The following MALRD1 variants were observed in gnomAD, a reference collection of about 807,000 sequenced individuals.
MALRD1 encodes the protein MAM and LDL-receptor class A domain-containing protein 1.
MALRD1 carries 247 observed loss-of-function variants against 242.1 expected under a neutral mutation model. The ratio of observed to expected loss-of-function variants is 1.02; its 90% confidence interval spans 0.92 to 1.13. The LOEUF (loss-of-function observed/expected upper bound fraction) is 1.13, where lower values mean the gene tolerates loss of function less well. Ranked by LOEUF, MALRD1 falls within the 50% of genes most tolerant of loss-of-function variation. The pLI, the probability that MALRD1 is intolerant of heterozygous loss-of-function variation, is 0.00. For missense variants in MALRD1, 2,989 were observed against 2,533.1 expected, an observed-to-expected ratio of 1.18 and a Z score of -3.86; for synonymous variants, 995 against 866.6, an observed-to-expected ratio of 1.15 and a Z score of -2.60.
intron 27 of MALRD1, 138 bp downstream of exon 27, chr10:19,387,911 T>C (rs1235880697): frequency 2.7e-6 from 3 of 1,108,874 alleles, no homozygotes; most frequent in East Asian, 2.6e-5. Context: ...TTAGTGAGTG[T>C]TTTTTTTCTT....
chr10:19,517,338 T>C (rs543432774), intron 31 of MALRD1, among the ~76,000 whole-genome samples: 5 of 152,272 alleles, frequency 3.3e-5, no homozygotes, highest in Admixed American at 6.5e-5. Flanking sequence ...CAATTTCTTT[T>C]CCAATAGCCT....
At chr10:19,178,891 C>T (rs549780461) in intron 14 of MALRD1, among the ~76,000 whole-genome samples, 99 of 152,244 alleles carry the variant, frequency 6.5e-4, no homozygotes, top group African/African-American at 2.3e-3. Context: ...ACTCTCTGAA[C>T]GTAAAGTGCA....
chr10:19,180,747 A>C (rs1835468605), intron 14 of MALRD1, among the ~76,000 whole-genome samples: 1 of 152,246 alleles, frequency 6.6e-6, no homozygotes, highest in Non-Finnish European at 1.5e-5. Flanking sequence ...AGGCTTCTGC[A>C]CAGTAAAGGA....
chr10:19,160,899 C>T, intron 12 of MALRD1, among the ~76,000 whole-genome samples: 2 of 146,558 alleles, frequency 1.4e-5, no homozygotes, highest in East Asian at 2.1e-4. Context: ...TTTGTTGATC[C>T]TTTCAAAAAA....
At chr10:19,665,783 C>T (rs1034552410) in intron 36 of MALRD1, among the ~76,000 whole-genome samples, 1 of 152,138 alleles carries the variant, frequency 6.6e-6, no homozygotes, top group Non-Finnish European at 1.5e-5. Flanking sequence ...CTAAATTAAT[C>T]CTGTCCTCTC....
At chr10:19,333,315 A>T (rs1843469177) in intron 24 of MALRD1, among the ~76,000 whole-genome samples, 1 of 152,090 alleles carries the variant, frequency 6.6e-6, no homozygotes, top group Non-Finnish European at 1.5e-5. Context: ...TCACTCTAGT[A>T]GTCCCCAGCT....
intron 4 of MALRD1, among the ~76,000 whole-genome samples, chr10:19,096,833 C>A (rs1173548325): frequency 6.6e-6 from 1 of 152,144 alleles, no homozygotes; most frequent in Non-Finnish European, 1.5e-5. Context: ...GATTTCGGTC[C>A]CAGCTGGATC....
chr10:19,483,756 G>A (rs886520256), intron 29 of MALRD1, among the ~76,000 whole-genome samples: 2 of 152,028 alleles, frequency 1.3e-5, no homozygotes, highest in Non-Finnish European at 2.9e-5. Flanking sequence ...ATTCAACTCA[G>A]CAATCCCATT....
intron 26 of MALRD1, among the ~76,000 whole-genome samples, chr10:19,354,678 A>C (rs1001429134): frequency 2.6e-5 from 4 of 152,018 alleles, no homozygotes; most frequent in Non-Finnish European, 5.9e-5. Flanking sequence ...AGTTCCATCC[A>C]TGTTGCAAAT....
intron 18 of MALRD1, among the ~76,000 whole-genome samples, chr10:19,219,889 A>G (rs897636966): frequency 2.6e-5 from 4 of 152,142 alleles, no homozygotes; most frequent in Admixed American, 6.6e-5. Flanking sequence ...CATTTATTCT[A>G]GAACACCACC....
chr10:19,524,666 G>A (rs1834021553), intron 31 of MALRD1, among the ~76,000 whole-genome samples: 1 of 151,948 alleles, frequency 6.6e-6, no homozygotes. Context: ...TTTTGAAAGA[G>A]GCATAATGCA....
chr10:19,460,204 G>C (rs1835871411), intron 29 of MALRD1, among the ~76,000 whole-genome samples: 4 of 152,160 alleles, frequency 2.6e-5, no homozygotes, highest in African/African-American at 9.6e-5. Context: ...TGAAGTATAT[G>C]TCATTTAGTC....
intron 36 of MALRD1, among the ~76,000 whole-genome samples, chr10:19,636,801 A>T (rs955738386): frequency 1.3e-5 from 2 of 151,168 alleles, no homozygotes; most frequent in Admixed American, 6.6e-5. Context: ...CAGGAGGCTG[A>T]GGCAGGAGAA....
chr10:19,050,325 G>A lies in MALRD1; in HGVS notation c.199+1188G>A, dbSNP rs189035606. 9.3e-5 allele frequency among the ~76,000 whole-genome samples: 14 copies of A among 150,666 alleles called. 1 individual carries two copies. Among genetic ancestry groups the A allele is most frequent in the African/African-American group, 3.4e-4 (14 of 41,054 alleles). On this transcript the variant is annotated intron_variant, in intron 1 of 39. Coordinates refer to ENST00000454679, the MANE Select transcript of MALRD1 (RefSeq NM_001142308.3). ...GATGGTCTCGATCTCCTGACCTCGT[G>A]ATCCGCCCGCCTCGGCCTCCCAAAG...
At chr10:19,589,043 T>A (rs1837610886) in intron 33 of MALRD1, among the ~76,000 whole-genome samples, 1 of 152,200 alleles carries the variant, frequency 6.6e-6, no homozygotes, top group South Asian at 2.1e-4. Flanking sequence ...GGTAAACATT[T>A]TATTGTACAT....
chr10:19,697,468 A>C (rs535422713), intron 38 of MALRD1, among the ~76,000 whole-genome samples: 2 of 151,904 alleles, frequency 1.3e-5, no homozygotes, highest in African/African-American at 4.8e-5. Flanking sequence ...TCTGAAAACT[A>C]CCTCCACAGC....
intron 18 of MALRD1, among the ~76,000 whole-genome samples, chr10:19,211,475 T>C (rs1240988985): frequency 6.6e-6 from 1 of 151,720 alleles, no homozygotes; most frequent in African/African-American, 2.4e-5. Flanking sequence ...GGAGGATTAC[T>C]TGAGGTCAGG....
chr10:19,544,703 A>G (rs1364053419), intron 32 of MALRD1, among the ~76,000 whole-genome samples: 1 of 152,100 alleles, frequency 6.6e-6, no homozygotes, highest in African/African-American at 2.4e-5. Context: ...CATCCTCTCT[A>G]ACAGCTCTAT....
intron 38 of MALRD1, among the ~76,000 whole-genome samples, chr10:19,726,198 C>T (rs74914487): frequency 0.017 from 2,614 of 152,114 alleles, 82 homozygotes; most frequent in African/African-American, 0.06. Context: ...TTCAAAAGTA[C>T]GTATCTGATA....
Sources: gnomAD v4.1 joint callset for allele counts (sites outside exome capture counted in the v4.1 genomes callset) on GRCh38, gnomAD v4.1.1 for gene constraint, MANE v1.5 for transcripts, NCBI Gene and HGNC (gene_info 2026-07-23, HGNC 2026-07-21) for gene names.